The following PDE4D variants were observed in gnomAD, a reference collection of about 807,000 sequenced individuals.
PDE4D encodes 3',5'-cyclic-AMP phosphodiesterase 4D.
PDE4D carries 24 observed loss-of-function variants against 87.4 expected under a neutral mutation model. The ratio of observed to expected loss-of-function variants is 0.27; its 90% CI spans 0.20 to 0.39. The LOEUF is 0.39. Among genes scored for constraint, PDE4D ranks in the 10% least tolerant of loss-of-function variants. The pLI is 1.00. For synonymous variants in PDE4D, 384 were observed against 383.2 expected (o/e 1.00, Z -0.02); for missense variants, 714 against 1,041.0 (o/e 0.69, Z 4.32).
rs189743952 is a variant in PDE4D at position 60,038,367 on chromosome 5, T to C, written c.43-49650A>G. Among the ~76,000 whole-genome samples, 46 of 152,236 alleles carry C rather than the reference T, an allele frequency of 3.0e-4. 1 individual carries two copies. In the East Asian group the frequency reaches 8.9e-3, roughly 29 times the overall value. Reference sequence around the variant, plus strand: ...TGGCTAGCCAGTTTTCCCAGCACCATTTATTAAATAGGGAATCCTTTCCCC... The same window carrying C: ...TGGCTAGCCAGTTTTCCCAGCACCACTTATTAAATAGGGAATCCTTTCCCC... On this transcript the variant is annotated intron_variant, in intron 2 of 16. Coordinates refer to the PDE4D transcript ENST00000502484.
intron 1 of PDE4D, among the ~76,000 whole-genome samples, chr5:59,335,135 G>A (rs574553380): frequency 2.8e-4 from 43 of 151,978 alleles, no homozygotes; most frequent in African/African-American, 7.7e-4. Flanking sequence ...GTTTTTCTTC[G>A]CTATTCCTTT....
At chr5:59,931,550 T>C (rs75926567) in intron 3 of PDE4D, among the ~76,000 whole-genome samples, 13,039 of 152,046 alleles carry the variant, frequency 0.086, 1,018 homozygotes, top group African/African-American at 0.2. Context: ...CCAGCTCAGG[T>C]CTCTCTTCCT....
chr5:59,123,299 A>C (rs1404003092), intron 5 of PDE4D, among the ~76,000 whole-genome samples: 2 of 152,164 alleles, frequency 1.3e-5, no homozygotes, highest in Non-Finnish European at 2.9e-5. Flanking sequence ...TATTTGCACT[A>C]AAAACGTTTC....
chr5:60,517,048 G>T (rs957021987), intron 1 of PDE4D, among the ~76,000 whole-genome samples: 3 of 152,210 alleles, frequency 2.0e-5, no homozygotes, highest in Non-Finnish European at 1.5e-5. Context: ...AGAAATGCCT[G>T]CTCCCACTGC....
rs74748783 is a variant in PDE4D, at chr5:59,527,592, T to C, written c.456-311624A>G. Among the ~76,000 whole-genome samples, 1,009 of 152,318 alleles carry C rather than the reference T, an allele frequency of 6.6e-3. 8 individuals carry two copies. Among genetic ancestry groups the C allele is most frequent in the Non-Finnish European group, 9.7e-3 (658 of 68,026 alleles). ...ATTTCTTCAAAAATTTTATATATTATAAGTAGGTAAGGTATCTCCAGCTGA... is the reference window on the plus strand; with the variant it reads ...ATTTCTTCAAAAATTTTATATATTACAAGTAGGTAAGGTATCTCCAGCTGA... On this transcript the variant is annotated intron_variant, in intron 1 of 14. Coordinates refer to ENST00000340635, the MANE Select transcript of PDE4D (RefSeq NM_001104631.2).
chr5:59,821,556 A>G (rs1275740849), intron 1 of PDE4D, among the ~76,000 whole-genome samples: 1 of 152,228 alleles, frequency 6.6e-6, no homozygotes, highest in Non-Finnish European at 1.5e-5. Flanking sequence ...TGAAGAAATA[A>G]ACTAAAATAT....
chr5:60,091,577 G>T (rs1450483545), intron 2 of PDE4D, among the ~76,000 whole-genome samples: 2 of 152,034 alleles, frequency 1.3e-5, no homozygotes, highest in Non-Finnish European at 2.9e-5. Flanking sequence ...ACACTATGGA[G>T]GTTCCTCAAA....
intron 1 of PDE4D, among the ~76,000 whole-genome samples, chr5:59,492,742 T>G (rs1406260274): frequency 6.6e-6 from 1 of 152,120 alleles, no homozygotes; most frequent in African/African-American, 2.4e-5. Flanking sequence ...TCATCTTGGA[T>G]TGTAGCTCCC....
chr5:59,390,580 T>C (rs1788033537), intron 1 of PDE4D, among the ~76,000 whole-genome samples: 1 of 152,112 alleles, frequency 6.6e-6, no homozygotes, highest in Non-Finnish European at 1.5e-5. Context: ...CAAGTTAATA[T>C]TTTTATATCC....
At chr5:60,135,504 T>C (rs1033104305) in intron 2 of PDE4D, among the ~76,000 whole-genome samples, 1 of 151,740 alleles carries the variant, frequency 6.6e-6, no homozygotes, top group African/African-American at 2.4e-5. Flanking sequence ...CGTTCAAAAA[T>C]GGGGGAAGGG....
Position 59,836,673 on chromosome 5 carries a change from C to G in PDE4D, c.455+56495G>C, listed in dbSNP as rs1342199713. Among the ~76,000 whole-genome samples the G allele has an allele frequency of 1.9e-4, 26 of 135,766 alleles. 1 individual carries two copies. The highest frequency in any genetic ancestry group is 1.5e-5 in the Non-Finnish European group (1 of 65,480). 89.1% of individuals were successfully genotyped at this position (135,766 alleles called of 152,430 possible). A position where few individuals can be genotyped will look rare whatever the true frequency, so the allele number is the denominator to read the frequency against. On this transcript the variant is annotated intron_variant, in intron 1 of 14. Transcript: ENST00000340635. The stretch of plus-strand genomic sequence containing the variant: ...ATCTATCTATCATCTATCTACCTAT[C>G]TATCTATCTACCTATCTATCTATGT...
At chr5:60,451,917 ATAT>A (rs1746123364) in intron 1 of PDE4D, among the ~76,000 whole-genome samples, 1 of 152,114 alleles carries the variant, frequency 6.6e-6, no homozygotes. Context: ...TGAAACAGAA[ATAT>A]TATTATGAAC....
At chr5:60,499,400 GA>G (rs1354933607) in intron 1 of PDE4D, among the ~76,000 whole-genome samples, 1 of 152,144 alleles carries the variant, frequency 6.6e-6, no homozygotes. Flanking sequence ...AACTTTCATT[GA>G]GATTTCAGCA....
At chr5:59,773,201 T>G (rs1283375548) in intron 1 of PDE4D, among the ~76,000 whole-genome samples, 1 of 152,202 alleles carries the variant, frequency 6.6e-6, no homozygotes, top group South Asian at 2.1e-4. Flanking sequence ...CTTAGGGTGT[T>G]GCTTTCGTAC....
chr5:59,507,433 C>T (rs1809458088), intron 1 of PDE4D, among the ~76,000 whole-genome samples: 1 of 151,790 alleles, frequency 6.6e-6, no homozygotes, highest in Non-Finnish European at 1.5e-5. Context: ...TATATAAAGA[C>T]AAATGTTCCT....
At chr5:59,702,404 G>A (rs570819798) in intron 1 of PDE4D, among the ~76,000 whole-genome samples, 3 of 152,208 alleles carry the variant, frequency 2.0e-5, no homozygotes, top group Admixed American at 6.5e-5. Flanking sequence ...GGGATTACAG[G>A]TGTGAGCCAC....
intron 1 of PDE4D, among the ~76,000 whole-genome samples, chr5:59,514,257 C>T (rs1810779651): frequency 2.0e-5 from 3 of 152,032 alleles, no homozygotes; most frequent in Admixed American, 6.5e-5. Context: ...AGGCGCCCGC[C>T]ACCACGCCCA....
Position 58,993,322 on chromosome 5 carries a change from ACAAG to A in PDE4D, c.1015+46_1015+49del, listed in dbSNP as rs757815718. ...CACCCCAATCCTCCTACAAAAACAA[ACAAG>A]CAAACAACTGAAGAAAAAAATTTAA... On this transcript the variant is annotated intron_variant, in intron 7 of 14. Transcript: ENST00000340635. 54 of 1,100,228 alleles carry A rather than the reference ACAAG, an allele frequency of 4.9e-5. No individual in the cohort carries two copies. In the East Asian group the frequency reaches 1.2e-3, roughly 24 times the overall value. The allele number at this position is 1,100,228 out of a possible 1,614,324, so 68.2% of individuals were successfully genotyped here. A position where few individuals can be genotyped will look rare whatever the true frequency, so the allele number is the denominator to read the frequency against.
At chr5:59,308,876 C>T (rs1173464557) in intron 1 of PDE4D, among the ~76,000 whole-genome samples, 1 of 151,874 alleles carries the variant, frequency 6.6e-6, no homozygotes, top group African/African-American at 2.4e-5. Flanking sequence ...GGGGGCAAGG[C>T]TAGGTGTGTC....
Sources: allele counts gnomAD v4.1 joint callset (sites outside exome capture counted in the v4.1 genomes callset), GRCh38; gene constraint gnomAD v4.1.1; transcripts MANE v1.5; gene names NCBI Gene and HGNC (gene_info 2026-07-23, HGNC 2026-07-21).